Variants in KCNMB2 observed in about 807,000 individuals in gnomAD.
KCNMB2 encodes calcium-activated potassium channel subunit beta-2.
A neutral mutation model predicts 24.5 loss-of-function variants in KCNMB2; 9 were observed. The ratio of observed to expected loss-of-function variants is 0.37; its 90% confidence interval spans 0.22 to 0.64. The LOEUF (loss-of-function observed/expected upper bound fraction) is 0.64. KCNMB2 is among the 30% of genes least tolerant of loss of function. The pLI is 0.63. For synonymous variants in KCNMB2, 109 were observed against 104.4 expected (o/e 1.04, Z -0.27); for missense variants, 226 against 284.3 (o/e 0.79, Z 1.47).
chr3:178,758,523 GATGTATATATATATAT>G (rs1724319081), intron 1 of KCNMB2, among the ~76,000 whole-genome samples: 1 of 19,598 alleles, frequency 5.1e-5, no homozygotes, highest in African/African-American at 2.8e-4. Flanking sequence ...TCCAAGAGGA[GATGTATATATATATAT>G]ATATATATAT....
intron 3 of KCNMB2, 84 bp from the exon 4 acceptor site, chr3:178,828,094 G>A: frequency 9.7e-7 from 1 of 1,031,070 alleles, no homozygotes; most frequent in Non-Finnish European, 1.4e-6. Flanking sequence ...TCAGCTTCAG[G>A]AGATGAGAAA....
intron 1 of KCNMB2, among the ~76,000 whole-genome samples, chr3:178,757,737 GATAT>G (rs1166180942): frequency 1.5e-5 from 1 of 67,360 alleles, no homozygotes; most frequent in Non-Finnish European, 2.8e-5. Flanking sequence ...TATCCAAGAG[GATAT>G]ATATATATAA....
chr3:178,649,329 T>C (rs533291495), intron 1 of KCNMB2, among the ~76,000 whole-genome samples: 2 of 152,152 alleles, frequency 1.3e-5, no homozygotes, highest in Non-Finnish European at 1.5e-5. Context: ...TCTTTTCATA[T>C]TTTTACTATT....
At chr3:178,795,540 A>C (rs1713506278) in intron 1 of KCNMB2, among the ~76,000 whole-genome samples, 1 of 152,258 alleles carries the variant, frequency 6.6e-6, no homozygotes, top group African/African-American at 2.4e-5. Flanking sequence ...AGCAGAAAAC[A>C]TTAGAGCCTG....
chr3:178,555,553 C>T (rs1335669032), intron 1 of KCNMB2, among the ~76,000 whole-genome samples: 2 of 152,182 alleles, frequency 1.3e-5, no homozygotes, highest in African/African-American at 4.8e-5. Context: ...GCAATCAAAA[C>T]TAGCCGTTGT....
chr3:178,751,491 T>C (rs980276684), intron 1 of KCNMB2, among the ~76,000 whole-genome samples: 2 of 142,542 alleles, frequency 1.4e-5, no homozygotes, highest in Admixed American at 1.5e-4. Flanking sequence ...GGAGAATCGC[T>C]TGAACCTGGG....
At chr3:178,688,965 G>C (rs1017700504) in intron 1 of KCNMB2, among the ~76,000 whole-genome samples, 1 of 151,948 alleles carries the variant, frequency 6.6e-6, no homozygotes, top group Non-Finnish European at 1.5e-5. Flanking sequence ...AATACTCTTT[G>C]GGAATTAAAA....
intron 1 of KCNMB2, among the ~76,000 whole-genome samples, chr3:178,621,553 C>A (rs1718921952): frequency 6.6e-6 from 1 of 151,966 alleles, no homozygotes; most frequent in African/African-American, 2.4e-5. Flanking sequence ...GGACAGTTTT[C>A]ATGCCCCTCT....
chr3:178,758,132 A>ATC (rs1266194038), intron 1 of KCNMB2, among the ~76,000 whole-genome samples: 3 of 63,740 alleles, frequency 4.7e-5, no homozygotes, highest in East Asian at 5.2e-4. Flanking sequence ...ATATGTACAC[A>ATC]CAAGAGGATA....
intron 1 of KCNMB2, among the ~76,000 whole-genome samples, chr3:178,657,730 A>G (rs1166580178): frequency 6.6e-6 from 1 of 152,232 alleles, no homozygotes; most frequent in Non-Finnish European, 1.5e-5. Flanking sequence ...GAGGCTGGGA[A>G]GTTCAAGACC....
intron 1 of KCNMB2, among the ~76,000 whole-genome samples, chr3:178,672,439 T>C (rs1269293039): frequency 5.3e-5 from 8 of 152,194 alleles, no homozygotes; most frequent in South Asian, 2.1e-4. Context: ...CAAATATCTA[T>C]TGAGCACTGT....
At chr3:178,626,586 G>T (rs1719126074) in intron 1 of KCNMB2, among the ~76,000 whole-genome samples, 1 of 152,126 alleles carries the variant, frequency 6.6e-6, no homozygotes, top group Non-Finnish European at 1.5e-5. Context: ...AAGGCAGCAG[G>T]AGAGAAAGGG....
chr3:178,715,718 T>C (rs988167852), intron 1 of KCNMB2, among the ~76,000 whole-genome samples: 3 of 152,230 alleles, frequency 2.0e-5, no homozygotes, highest in African/African-American at 7.2e-5. Context: ...CTAAACACTA[T>C]ATGCAGTTGG....
intron 1 of KCNMB2, among the ~76,000 whole-genome samples, chr3:178,701,723 A>G (rs1361111212): frequency 6.6e-6 from 1 of 152,214 alleles, no homozygotes; most frequent in Non-Finnish European, 1.5e-5. Context: ...ATGACATATC[A>G]TCTCACACCA....
chr3:178,747,813 A>C (rs1723719811), intron 1 of KCNMB2, among the ~76,000 whole-genome samples: 1 of 152,158 alleles, frequency 6.6e-6, no homozygotes, highest in Non-Finnish European at 1.5e-5. Context: ...TTTCAAATCC[A>C]GTTCATCTTT....
chr3:178,719,846 T>A (rs966866626), intron 1 of KCNMB2, among the ~76,000 whole-genome samples: 1 of 152,170 alleles, frequency 6.6e-6, no homozygotes, highest in African/African-American at 2.4e-5. Flanking sequence ...CTCAATTCCC[T>A]CAAATTCCCT....
At chr3:178,642,171 T>C (rs1484204729) in intron 1 of KCNMB2, among the ~76,000 whole-genome samples, 1 of 152,214 alleles carries the variant, frequency 6.6e-6, no homozygotes, top group Non-Finnish European at 1.5e-5. Context: ...CAGCAAGTGA[T>C]TACTACAGAA....
intron 1 of KCNMB2, among the ~76,000 whole-genome samples, chr3:178,683,927 AC>A (rs1166841140): frequency 6.6e-6 from 1 of 152,100 alleles, no homozygotes; most frequent in African/African-American, 2.4e-5. Context: ...AAATAGAACT[AC>A]CCCATGATCC....
chr3:178,622,660 G>A (rs1168590635), intron 1 of KCNMB2, among the ~76,000 whole-genome samples: 3 of 152,136 alleles, frequency 2.0e-5, no homozygotes, highest in South Asian at 4.1e-4. Context: ...CCTTGATCTT[G>A]CTGTGATTCC....
Sources: gnomAD v4.1 joint callset for allele counts (sites outside exome capture counted in the v4.1 genomes callset) on GRCh38, gnomAD v4.1.1 for gene constraint, MANE v1.5 for transcripts, NCBI Gene and HGNC (gene_info 2026-07-23, HGNC 2026-07-21) for gene names.